The following SNX31 variants were observed in gnomAD, a reference collection of about 807,000 sequenced individuals.
SNX31 encodes the protein sorting nexin 31.
Under a neutral mutation model 65.4 loss-of-function variants are expected in SNX31, and 58 were observed. The observed-to-expected ratio is 0.89, with a 90% CI of 0.72 to 1.10. The LOEUF is 1.10. SNX31 is among the 50% of genes least tolerant of loss of function. The pLI is 0.00. For missense variants in SNX31, 523 were observed against 529.7 expected, an observed-to-expected ratio of 0.99 and a Z score of 0.12; for synonymous variants, 181 against 190.1, an observed-to-expected ratio of 0.95 and a Z score of 0.39.
chr8:100,592,376 A>G (rs1306660510), intron 10 of SNX31, among the ~76,000 whole-genome samples: 1 of 152,210 alleles, frequency 6.6e-6, no homozygotes, highest in Non-Finnish European at 1.5e-5. Flanking sequence ...AACAACCACA[A>G]ATAAAGCAGA....
intron 5 of SNX31, among the ~76,000 whole-genome samples, chr8:100,617,300 C>T (rs1418827880): frequency 6.6e-6 from 1 of 152,170 alleles, no homozygotes; most frequent in African/African-American, 2.4e-5. Flanking sequence ...AACGATGGGA[C>T]ATCCAGTAAT....
chr8:100,583,162 A>G (rs1017610744), intron 12 of SNX31, among the ~76,000 whole-genome samples: 4 of 150,690 alleles, frequency 2.7e-5, no homozygotes, highest in African/African-American at 9.8e-5. Context: ...GCTGGAATGT[A>G]ATGGTGTCAT....
chr8:100,623,916 T>C (rs893379746), intron 4 of SNX31, among the ~76,000 whole-genome samples: 2 of 151,240 alleles, frequency 1.3e-5, no homozygotes, highest in Admixed American at 6.6e-5. Context: ...AGGGCTGCTA[T>C]AGGTACGGAA....
intron 8 of SNX31, 110 bp from the exon 9 acceptor site, chr8:100,600,551 A>G: frequency 1.3e-6 from 1 of 744,126 alleles, no homozygotes; most frequent in Non-Finnish European, 2.2e-6. Context: ...GTGGATATAT[A>G]TTTAGGGATT....
At chr8:100,595,301 G>C (rs181331829) in intron 10 of SNX31, among the ~76,000 whole-genome samples, 1 of 150,180 alleles carries the variant, frequency 6.7e-6, no homozygotes, top group Non-Finnish European at 1.5e-5. Context: ...TGCGGAGATA[G>C]AGGGAATTTG....
At chr8:100,643,584 G>A (rs184620847) in intron 2 of SNX31, among the ~76,000 whole-genome samples, 10 of 152,204 alleles carry the variant, frequency 6.6e-5, no homozygotes, top group Admixed American at 4.6e-4. Context: ...ACAGCACTAC[G>A]AGGTAGACAG....
chr8:100,659,651 T>C (rs1250685336), intron 1 of SNX31, among the ~76,000 whole-genome samples: 2 of 152,300 alleles, frequency 1.3e-5, no homozygotes, highest in African/African-American at 2.4e-5. Flanking sequence ...ATCCATTGTA[T>C]AAAATTTAGA....
chr8:100,579,043 G>C (rs891004281), intron 12 of SNX31, among the ~76,000 whole-genome samples: 4 of 151,930 alleles, frequency 2.6e-5, no homozygotes, highest in Non-Finnish European at 5.9e-5. Flanking sequence ...TAAAAAACCA[G>C]TTATTAAGTC....
chr8:100,598,020 T>C (rs960652064), intron 9 of SNX31, among the ~76,000 whole-genome samples: 1 of 152,220 alleles, frequency 6.6e-6, no homozygotes, highest in African/African-American at 2.4e-5. Flanking sequence ...TAGTGACAAC[T>C]TGTGATCCTT....
intron 2 of SNX31, among the ~76,000 whole-genome samples, chr8:100,636,922 T>C (rs1453043922): frequency 6.6e-6 from 1 of 152,174 alleles, no homozygotes; most frequent in Non-Finnish European, 1.5e-5. Flanking sequence ...TGTTTCTCCA[T>C]GTTGGCCAGG....
chr8:100,602,523 C>A lies in SNX31; in HGVS notation c.682-2082G>T, dbSNP rs543529402. On this transcript the variant is annotated intron_variant, in intron 8 of 13. Coordinates refer to ENST00000311812, the MANE Select transcript of SNX31 (RefSeq NM_152628.4). ...CTATGTTTTTTCCTGCATATACATA[C>A]CTATGATAAAGTTTAATTTATAAAT... Among the ~76,000 whole-genome samples, 20 of 152,258 alleles carry A rather than the reference C, an allele frequency of 1.3e-4. No homozygotes were observed. The South Asian group carries it at 4.1e-3, about 32-fold the overall frequency.
In SNX31 at chr8:100,588,293, A is replaced by T. The variant is rs1814237137; in HGVS notation, c.1092+573T>A. On this transcript the variant is annotated intron_variant, in intron 11 of 13. Transcript: ENST00000311812. The surrounding 1 kb of genome is among the most constrained non-coding windows in gnomAD (Gnocchi z 4.8). ...ACAATTCTGGTGCTAAGCATTTGGG[A>T]TAAGGGATACTCAACCAGTGGCTTT... Among the ~76,000 whole-genome samples the T allele has an allele frequency of 6.6e-6, 1 of 152,220 alleles. No homozygotes were observed. The highest frequency in any genetic ancestry group is 2.4e-5 in the African/African-American group (1 of 41,450).
In SNX31 at chr8:100,617,571, G is replaced by T. The variant is rs1392504987; in HGVS notation, c.432+49C>A. On this transcript the variant is annotated intron_variant, in intron 5 of 13. Transcript: ENST00000311812. ...TATCCCATTCTCTGCTTTCCAAACA[G>T]AACCATCCCTAGATTCAGTTCTGGA... 8 of 1,325,640 alleles carry T rather than the reference G, an allele frequency of 6.0e-6. No individual in the cohort carries two copies. The South Asian group carries it at 6.1e-5, about 10-fold the overall frequency. 82.1% of individuals were successfully genotyped at this position (1,325,640 alleles called of 1,614,324 possible). A position where few individuals can be genotyped will look rare whatever the true frequency, so the allele number is the denominator to read the frequency against.
At chr8:100,581,337 C>CTATCTATCTATATA (rs1554570506) in intron 12 of SNX31, among the ~76,000 whole-genome samples, 1 of 125,466 alleles carries the variant, frequency 8.0e-6, no homozygotes, top group African/African-American at 3.1e-5. Context: ...ATCTATCTAT[C>CTATCTATCTATATA]TATATATATA....
chr8:100,612,039 C>G lies in SNX31; in HGVS notation c.572G>C (p.Ser191Thr), dbSNP rs1816758190. ...DFELPYVSLG[S>T]SEVENCKVGL... The stretch of plus-strand genomic sequence containing the variant: ...AACCTTACAGTTTTCCACCTCAGAA[C>G]TTCCAAGACTAACATAAGGGAGTTC... Residue 191 changes from serine (S) to threonine (T), a missense_variant, in exon 7 of 14, where the codon AGT becomes ACT. Coordinates refer to ENST00000311812, the MANE Select transcript of SNX31 (RefSeq NM_152628.4). This position sits in a 1 kb window ranked among gnomAD's most constrained non-coding sequence, Gnocchi z 4.3. 6 of 1,614,050 alleles carry G rather than the reference C, an allele frequency of 3.7e-6. No homozygotes were observed. The Admixed American group carries it at 8.3e-5, about 22-fold the overall frequency.
intron 1 of SNX31, among the ~76,000 whole-genome samples, chr8:100,655,315 A>C (rs1218420329): frequency 6.6e-6 from 1 of 152,178 alleles, no homozygotes; most frequent in Non-Finnish European, 1.5e-5. Context: ...CCTGGGATAA[A>C]ATTAAAAGAA....
intron 8 of SNX31, among the ~76,000 whole-genome samples, chr8:100,605,962 C>T (rs921078910): frequency 2.6e-5 from 4 of 152,000 alleles, no homozygotes; most frequent in African/African-American, 7.2e-5. Context: ...AGCAAGGATA[C>T]AGTAGCAAGG....
intron 2 of SNX31, among the ~76,000 whole-genome samples, chr8:100,636,990 G>A (rs1324956196): frequency 1.2e-4 from 18 of 152,090 alleles, no homozygotes; most frequent in Admixed American, 1.2e-3. Context: ...CACAGTGCTG[G>A]GATTACAGGC....
chr8:100,639,331 C>G (rs1818996529), intron 2 of SNX31, among the ~76,000 whole-genome samples: 1 of 152,130 alleles, frequency 6.6e-6, no homozygotes, highest in Non-Finnish European at 1.5e-5. Flanking sequence ...AAGTGCTGAC[C>G]TAAGTCACTT....
Sources: gnomAD v4.1 joint callset for allele counts (sites outside exome capture counted in the v4.1 genomes callset) on GRCh38, gnomAD v4.1.1 for gene constraint, Gnocchi (gnomAD v3.1) non-coding constraint, MANE v1.5 for transcripts, NCBI Gene and HGNC (gene_info 2026-07-23, HGNC 2026-07-21) for gene names.